The following SORBS3 variants were observed in gnomAD, a reference collection of about 807,000 sequenced individuals.
SORBS3 encodes the protein sorbin and SH3 domain containing 3.
A neutral mutation model predicts 98.0 loss-of-function variants in SORBS3; 69 were observed. The ratio of observed to expected loss-of-function variants is 0.70; its 90% CI spans 0.58 to 0.86. SORBS3 has a LOEUF of 0.86. SORBS3 is among the 40% of genes least tolerant of loss of function. The probability of loss-of-function intolerance (pLI) is 0.00; values close to 1 mark genes in which losing one functional copy is unlikely to be tolerated. For missense variants in SORBS3, 954 were observed against 908.5 expected, an observed-to-expected ratio of 1.05 and a Z score of -0.64; for synonymous variants, 394 against 355.4, an observed-to-expected ratio of 1.11 and a Z score of -1.22.
At chr8:22,549,930 AGCTT>A, upstream of SORBS3, 1 of 956,836 alleles carries the variant, frequency 1.0e-6, no homozygotes, top group Non-Finnish European at 1.2e-6. Context: ...GAATAAGAGA[AGCTT>A]GCTGCTGGTG....
At chr8:22,566,889 C>G in intron 15 of SORBS3, 21 bp downstream of exon 15, 1 of 1,602,142 alleles carries the variant, frequency 6.2e-7, no homozygotes, top group Non-Finnish European at 8.5e-7. Flanking sequence ...TCCTCCCCCT[C>G]CCCTTCCACC....
In SORBS3 at chr8:22,556,704, G is replaced by T. The variant is rs745885365; in HGVS notation, c.221-11G>T. The T allele has an allele frequency of 6.2e-7, 1 of 1,613,262 alleles. No homozygotes were observed. The highest frequency in any genetic ancestry group is 8.5e-7 in the Non-Finnish European group (1 of 1,179,788). The stretch of plus-strand genomic sequence containing the variant: ...GCCTTTCACTAATGCTCTCCTGCAC[G>T]CACCCAACAGACCCTGCGTGGTATC... On this transcript the variant is annotated splice_polypyrimidine_tract_variant and intron_variant, in intron 3 of 20. Coordinates refer to ENST00000240123, the MANE Select transcript of SORBS3 (RefSeq NM_005775.5).
At chr8:22,557,983 G>A (rs1194417370) in intron 4 of SORBS3, 146 bp from the exon 5 acceptor site, 7 of 745,536 alleles carry the variant, frequency 9.4e-6, no homozygotes, top group Middle Eastern at 2.3e-4. Flanking sequence ...TGTTATTAAA[G>A]AGATCGCAAG....
chr8:22,558,263 A>T (rs899960978), intron 5 of SORBS3, 71 bp downstream of exon 5: 7 of 1,440,090 alleles, frequency 4.9e-6, no homozygotes, highest in Non-Finnish European at 6.9e-6. Flanking sequence ...AGAGACAGGG[A>T]AAGAAAAGGG....
intron 1 of SORBS3, among the ~76,000 whole-genome samples, chr8:22,545,623 C>T (rs1346915749): frequency 6.6e-6 from 1 of 152,238 alleles, no homozygotes; most frequent in Non-Finnish European, 1.5e-5. Context: ...CTCTTCTATG[C>T]CCTCATGGCA....
upstream of SORBS3, chr8:22,551,860 G>A: frequency 4.1e-6 from 4 of 984,194 alleles, no homozygotes; most frequent in Non-Finnish European, 4.8e-6. The surrounding 1 kb of genome is among the most constrained non-coding windows in gnomAD (Gnocchi z 5.8). Flanking sequence ...CTGCGCCGGC[G>A]CCCGGCCCGG....
At chr8:22,561,411 G>C (rs368623531) in intron 6 of SORBS3, 38 bp downstream of exon 6, 79 of 1,611,744 alleles carry the variant, frequency 4.9e-5, no homozygotes, top group Non-Finnish European at 6.2e-5. Flanking sequence ...CCATAGCCCT[G>C]CGCCTGCGTC....
chr8:22,549,502 C>T (rs1455355086), upstream of SORBS3, among the ~76,000 whole-genome samples: 3 of 152,208 alleles, frequency 2.0e-5, no homozygotes, highest in African/African-American at 7.2e-5. Flanking sequence ...AGGAATTCTT[C>T]TCTTTAGATA....
chr8:22,552,435 C>G (rs1039327441), intron 1 of SORBS3, among the ~76,000 whole-genome samples: 1 of 152,248 alleles, frequency 6.6e-6, no homozygotes, highest in African/African-American at 2.4e-5. Context: ...AGATGCTGCC[C>G]TCTTCCTTGT....
At chr8:22,566,612 C>G in intron 13 of SORBS3, 49 bp from the exon 14 acceptor site, 1 of 1,582,046 alleles carries the variant, frequency 6.3e-7, no homozygotes, top group Non-Finnish European at 8.6e-7. Context: ...GGGTGCAACC[C>G]CATCCCCCAG....
At position 22,554,976 on chromosome 8, in the gene SORBS3, C is replaced by T; in HGVS notation, c.216C>T (p.His72=). ...GYTPRRDASQ[H]PDPAWYQTWP... is the part of the protein sequence containing the mutation. The stretch of plus-strand genomic sequence containing the variant: ...CACCAAGACGAGATGCTTCCCAGCA[C>T]CCGGGTAGGTCTGCTCAGGAGCCTC... The change falls in exon 3 of 21, where the codon CAC becomes CAT. Residue 72 remains histidine (H), a synonymous_variant. Transcript: ENST00000240123. The surrounding 1 kb of genome is among the most constrained non-coding windows in gnomAD (Gnocchi z 6.5). 5 of 1,612,872 alleles carry T rather than the reference C, an allele frequency of 3.1e-6. No homozygotes were observed. In the South Asian group the frequency reaches 5.5e-5, roughly 18 times the overall value.
intron 10 of SORBS3, chr8:22,565,047 T>C: frequency 7.1e-7 from 1 of 1,408,860 alleles, no homozygotes; most frequent in Non-Finnish European, 9.2e-7. Flanking sequence ...AGGAAGCGCG[T>C]AGGCACTCCC....
chr8:22,566,968 G>A, intron 15 of SORBS3, 93 bp from the exon 16 acceptor site: 1 of 1,549,896 alleles, frequency 6.5e-7, no homozygotes, highest in African/African-American at 1.4e-5. Context: ...ATCCCCAAGG[G>A]GTGAGAGAAC....
chr8:22,549,652 C>G (rs764773597), upstream of SORBS3, among the ~76,000 whole-genome samples: 6 of 152,170 alleles, frequency 3.9e-5, no homozygotes, highest in Non-Finnish European at 8.8e-5. Flanking sequence ...GTGATAAACC[C>G]GGCAGAGCCC....
At position 22,564,312 on chromosome 8, in the gene SORBS3, T is replaced by A. The variant is rs115136468; in HGVS notation, c.705T>A (p.Asn235Lys). 3.7e-6 allele frequency: 6 copies of A among 1,612,016 alleles called. No individual in the cohort carries two copies. In the South Asian group the frequency reaches 5.5e-5, roughly 15 times the overall value. Residue 235 changes from asparagine (N) to lysine (K), a missense_variant, in exon 9 of 21, where the codon AAT becomes AAA. By Grantham distance (94) the Asn-to-Lys change is moderately conservative. Coordinates refer to ENST00000240123, the MANE Select transcript of SORBS3 (RefSeq NM_005775.5). ...TCAGACGCCGGGAAAAAGTAGACAATGTCTGGACGGAAGAGTCCTGGAACC... is the reference window on the plus strand; with the variant it reads ...TCAGACGCCGGGAAAAAGTAGACAAAGTCTGGACGGAAGAGTCCTGGAACC... ...QVLRRREKVD[N>K]VWTEESWNQF...
rs766945481 is a variant in SORBS3, at chr8:22,554,645, C to T, written c.102+37C>T. 1.3e-6 allele frequency: 2 copies of T among 1,580,798 alleles called. No individual in the cohort carries two copies. The highest frequency in any genetic ancestry group is 1.7e-6 in the Non-Finnish European group (2 of 1,166,706). ...AGTAGGGAGGAGGGTGTCCTGCGGG[C>T]CCGGAGTTGGTTGGGACGCTAGCAG... On this transcript the variant is annotated intron_variant, in intron 2 of 20. Transcript: ENST00000240123. The surrounding 1 kb of genome is among the most constrained non-coding windows in gnomAD (Gnocchi z 6.5).
In SORBS3 at chr8:22,557,677, G is replaced by A. The variant is rs1586892164; in HGVS notation, c.415-452G>A. Among the ~76,000 whole-genome samples, 3 of 152,096 alleles carry A rather than the reference G, an allele frequency of 2.0e-5. 1 individual carries two copies. In the South Asian group the frequency reaches 6.2e-4, roughly 32 times the overall value. On this transcript the variant is annotated intron_variant, in intron 4 of 20. Coordinates refer to ENST00000240123, the MANE Select transcript of SORBS3 (RefSeq NM_005775.5). ...AATAAAATAAAATTAGCTAGGCAAGGTGGTGCACGACTGTAGTTCCAGCTA... is the reference window on the plus strand; with the variant it reads ...AATAAAATAAAATTAGCTAGGCAAGATGGTGCACGACTGTAGTTCCAGCTA...
chr8:22,550,987 G>C (rs1271635565), upstream of SORBS3, among the ~76,000 whole-genome samples: 1 of 152,206 alleles, frequency 6.6e-6, no homozygotes, highest in Non-Finnish European at 1.5e-5. Context: ...CAGGGAGAGG[G>C]GATGACCAGA....
At position 22,565,249 on chromosome 8, in the gene SORBS3, A is replaced by C; in HGVS notation, c.817-19A>C. ...CACGGTGCGCTGCCCCTCACTGCCC[A>C]GCCTCTCCCCGCCCCCAGGTGCTGC... On this transcript the variant is annotated intron_variant, in intron 10 of 20. Coordinates refer to ENST00000240123, the MANE Select transcript of SORBS3 (RefSeq NM_005775.5). The C allele has an allele frequency of 6.5e-7, 1 of 1,547,600 alleles. No homozygotes were observed. The highest frequency in any genetic ancestry group is 8.7e-7 in the Non-Finnish European group (1 of 1,144,548).
Sources: allele counts gnomAD v4.1 joint callset (sites outside exome capture counted in the v4.1 genomes callset), GRCh38; gene constraint gnomAD v4.1.1; non-coding constraint Gnocchi (gnomAD v3.1); transcripts MANE v1.5; gene names NCBI Gene and HGNC (gene_info 2026-07-23, HGNC 2026-07-21).